TMEM132D: variants seen among roughly 807,000 people sequenced by gnomAD.
TMEM132D encodes the protein mature OL transmembrane protein.
A neutral mutation model predicts 62.3 loss-of-function variants in TMEM132D; 21 were observed. That is an observed-to-expected ratio of 0.34 (90% confidence interval 0.24 to 0.49). The LOEUF is 0.49. TMEM132D is among the 20% of genes least tolerant of loss of function. TMEM132D has a pLI of 0.99. For missense variants in TMEM132D, 1,346 were observed against 1,402.8 expected (o/e 0.96, Z 0.65); for synonymous variants, 621 against 575.6 (o/e 1.08, Z -1.13).
chr12:129,083,793 C>T (rs909838281), intron 6 of TMEM132D, among the ~76,000 whole-genome samples: 1 of 152,186 alleles, frequency 6.6e-6, no homozygotes, highest in African/African-American at 2.4e-5. Context: ...TCTGAGATGA[C>T]AAAGTCTGTG....
chr12:129,611,284 G>C (rs1482737105), intron 2 of TMEM132D, among the ~76,000 whole-genome samples: 1 of 152,164 alleles, frequency 6.6e-6, no homozygotes, highest in Non-Finnish European at 1.5e-5. Context: ...TTTCTTTAGC[G>C]AGATCAGCTA....
chr12:129,639,653 G>T (rs1453653173), intron 2 of TMEM132D, among the ~76,000 whole-genome samples: 1 of 152,040 alleles, frequency 6.6e-6, no homozygotes, highest in African/African-American at 2.4e-5. Flanking sequence ...ATTCATAAAA[G>T]TACAAGTCAG....
intron 3 of TMEM132D, among the ~76,000 whole-genome samples, chr12:129,458,232 G>A (rs1873543629): frequency 6.6e-6 from 1 of 152,084 alleles, no homozygotes; most frequent in Non-Finnish European, 1.5e-5. Flanking sequence ...TCTCTGCTGA[G>A]TTCTTGACTG....
At chr12:129,149,451 G>A (rs1200203897) in intron 5 of TMEM132D, among the ~76,000 whole-genome samples, 1 of 152,134 alleles carries the variant, frequency 6.6e-6, no homozygotes, top group Admixed American at 6.5e-5. Flanking sequence ...AACAAAAGCA[G>A]GAACATGCAT....
At chr12:129,324,664 A>T (rs36054705) in intron 4 of TMEM132D, among the ~76,000 whole-genome samples, 27,615 of 151,910 alleles carry the variant, frequency 0.18, 3,398 homozygotes, top group Non-Finnish European at 0.27. Flanking sequence ...CCCCATCCCT[A>T]CTAGAAATAC....
At chr12:129,544,932 C>A (rs1246566523) in intron 2 of TMEM132D, among the ~76,000 whole-genome samples, 1 of 152,186 alleles carries the variant, frequency 6.6e-6, no homozygotes, top group South Asian at 2.1e-4. Context: ...ACCGCACCAG[C>A]GACCTCAGGA....
chr12:129,291,981 C>T (rs908045110), intron 4 of TMEM132D, among the ~76,000 whole-genome samples: 1 of 151,990 alleles, frequency 6.6e-6, no homozygotes, highest in African/African-American at 2.4e-5. Flanking sequence ...GGAGATCGAA[C>T]ATGGGGCAGG....
intron 3 of TMEM132D, among the ~76,000 whole-genome samples, chr12:129,405,505 A>G (rs1298552920): frequency 6.6e-6 from 1 of 152,188 alleles, no homozygotes; most frequent in Non-Finnish European, 1.5e-5. Context: ...CTGTGGGGCA[A>G]GCAGGCTGTG....
At chr12:129,267,853 A>G (rs1339903907) in intron 4 of TMEM132D, among the ~76,000 whole-genome samples, 8 of 152,218 alleles carry the variant, frequency 5.3e-5, no homozygotes, top group Non-Finnish European at 1.2e-4. Context: ...TCAATGGAAC[A>G]GAACAGAGCC....
chr12:129,370,797 T>C (rs1175776776), intron 3 of TMEM132D, among the ~76,000 whole-genome samples: 1 of 152,180 alleles, frequency 6.6e-6, no homozygotes, highest in Non-Finnish European at 1.5e-5. Flanking sequence ...AAATATTGTG[T>C]GTTCTCACTC....
chr12:129,622,270 G>T (rs1232669376), intron 2 of TMEM132D, among the ~76,000 whole-genome samples: 1 of 152,212 alleles, frequency 6.6e-6, no homozygotes, highest in African/African-American at 2.4e-5. Flanking sequence ...AGAGACCAGG[G>T]AGCTTCGGTG....
At chr12:129,628,767 A>G (rs138703222) in intron 2 of TMEM132D, among the ~76,000 whole-genome samples, 5 of 152,112 alleles carry the variant, frequency 3.3e-5, no homozygotes, top group Non-Finnish European at 7.4e-5. Context: ...TCATCTTCCC[A>G]TGACCATCTT....
intron 5 of TMEM132D, among the ~76,000 whole-genome samples, chr12:129,189,857 T>C (rs1228853739): frequency 2.0e-5 from 3 of 151,966 alleles, no homozygotes; most frequent in Non-Finnish European, 2.9e-5. Flanking sequence ...CAGGGGAAAG[T>C]GAGGTTGCTG....
chr12:129,767,962 A>G (rs1870605843), intron 1 of TMEM132D, among the ~76,000 whole-genome samples: 2 of 132,368 alleles, frequency 1.5e-5, no homozygotes, highest in African/African-American at 5.2e-5. Context: ...AGTGAACAGA[A>G]CTTGTGCAGA....
chr12:129,791,520 T>A (rs1871400726), intron 1 of TMEM132D, among the ~76,000 whole-genome samples: 1 of 152,088 alleles, frequency 6.6e-6, no homozygotes, highest in South Asian at 2.1e-4. Context: ...GGTGAAAAAA[T>A]TTTAAATGCC....
intron 5 of TMEM132D, among the ~76,000 whole-genome samples, chr12:129,204,486 A>G (rs577926495): frequency 6.6e-6 from 1 of 152,330 alleles, no homozygotes; most frequent in Admixed American, 6.5e-5. Flanking sequence ...AAGAAAATGA[A>G]GAAGAACAAA....
At chr12:129,099,589 C>A (rs1875226695) in intron 5 of TMEM132D, among the ~76,000 whole-genome samples, 1 of 152,240 alleles carries the variant, frequency 6.6e-6, no homozygotes. Flanking sequence ...CCAACAGCAA[C>A]TGCTGTTCAC....
At position 129,526,740 on chromosome 12, in the gene TMEM132D, G is replaced by A. The variant is rs186205295; in HGVS notation, c.1115+4319C>T. Among the ~76,000 whole-genome samples, 65 of 152,314 alleles carry A rather than the reference G, an allele frequency of 4.3e-4. 1 individual carries two copies. The highest frequency in any genetic ancestry group is 1.4e-3 in the Admixed American group (22 of 15,304). ...AAATAGGGTTGAAAAGAGCTTCCAG[G>A]AAGGTTGCCTAAAAAGAGTCAACAC... is the stretch of plus-strand genomic sequence containing the variant. On this transcript the variant is annotated intron_variant, in intron 3 of 8. Transcript: ENST00000422113.
At chr12:129,112,634 G>T (rs1875755313) in intron 5 of TMEM132D, among the ~76,000 whole-genome samples, 1 of 152,176 alleles carries the variant, frequency 6.6e-6, no homozygotes, top group Non-Finnish European at 1.5e-5. Context: ...TTGCACTCCA[G>T]CCTGGCCAAC....
Sources: allele counts gnomAD v4.1 joint callset (sites outside exome capture counted in the v4.1 genomes callset), GRCh38; gene constraint gnomAD v4.1.1; transcripts MANE v1.5; gene names NCBI Gene and HGNC (gene_info 2026-07-23, HGNC 2026-07-21).